Variants in SLC9A7 observed in about 807,000 individuals in gnomAD.
SLC9A7 encodes the protein solute carrier family 9 member A7, also known as sodium/hydrogen exchanger 7.
A neutral mutation model predicts 52.6 loss-of-function variants in SLC9A7; 19 were observed. The ratio of observed to expected loss-of-function variants is 0.36; its 90% CI spans 0.25 to 0.53. The LOEUF is 0.53. Among genes scored for constraint, SLC9A7 ranks in the 20% least tolerant of loss-of-function variants. The pLI is 0.91. For missense variants in SLC9A7, 455 were observed against 597.9 expected, an observed-to-expected ratio of 0.76 and a Z score of 2.49; for synonymous variants, 226 against 252.1, an observed-to-expected ratio of 0.90 and a Z score of 0.98.
chrX:46,723,311 A>G (rs1344036898), intron 1 of SLC9A7, among the ~76,000 whole-genome samples: 2 of 108,261 alleles, frequency 1.8e-5, no homozygotes, highest in Admixed American at 9.9e-5. Flanking sequence ...AAAAAAAAAA[A>G]AAAAAAGAAA....
chrX:46,749,624 G>A (rs918889837), intron 1 of SLC9A7, among the ~76,000 whole-genome samples: 2 of 111,866 alleles, frequency 1.8e-5, no homozygotes, highest in Admixed American at 1.9e-4. Context: ...ATAACACCTG[G>A]AGTGTGACCT....
At chrX:46,634,110 C>T (rs1051909393) in intron 13 of SLC9A7, among the ~76,000 whole-genome samples, 1 of 112,107 alleles carries the variant, frequency 8.9e-6, no homozygotes, top group Non-Finnish European at 1.9e-5. Flanking sequence ...TGATCCAGGA[C>T]ACTGGAACTT....
At chrX:46,728,163 G>A (rs1251758347) in intron 1 of SLC9A7, among the ~76,000 whole-genome samples, 1 of 111,456 alleles carries the variant, frequency 9.0e-6, no homozygotes, top group African/African-American at 3.3e-5. Context: ...TGATAAACAG[G>A]ACTTTGTCAA....
intron 5 of SLC9A7, among the ~76,000 whole-genome samples, chrX:46,664,818 T>C (rs965337570): frequency 6.3e-5 from 7 of 110,601 alleles, no homozygotes; most frequent in African/African-American, 2.3e-4. Context: ...GTGGTGTGAT[T>C]ATAGTTCACT....
rs999471902 is a variant in SLC9A7 at position 46,653,717 on chromosome X, T to C, written c.1042-3A>G. On this transcript the variant is annotated splice_region_variant and splice_polypyrimidine_tract_variant and intron_variant, in intron 7 of 16. Coordinates refer to ENST00000616978, the MANE Select transcript of SLC9A7 (RefSeq NM_001257291.2). ...TGCAGTTTGGTAAACTTAGTCACGT[T>C]GGCATTCTGTCAAGGACCCTGTCTC... The C allele has an allele frequency of 2.5e-5, 30 of 1,196,710 alleles. No homozygotes were observed. The highest frequency in any genetic ancestry group is 2.9e-5 in the Non-Finnish European group (26 of 883,915).
chrX:46,743,224 C>T (rs1208169938), intron 1 of SLC9A7, among the ~76,000 whole-genome samples: 1 of 111,970 alleles, frequency 8.9e-6, no homozygotes, highest in Non-Finnish European at 1.9e-5. Context: ...GGAGGGCATG[C>T]CTGCATGACC....
intron 1 of SLC9A7, among the ~76,000 whole-genome samples, chrX:46,749,506 T>C (rs1022167445): frequency 9.0e-6 from 1 of 111,579 alleles, no homozygotes; most frequent in African/African-American, 3.3e-5. Context: ...GAGATGAGAA[T>C]GCTTTCAAGC....
chrX:46,619,467 G>C (rs1258446579), intron 15 of SLC9A7, among the ~76,000 whole-genome samples: 1 of 111,581 alleles, frequency 9.0e-6, no homozygotes, highest in Non-Finnish European at 1.9e-5. Context: ...AGAATAAATT[G>C]TGATATATTT....
intron 1 of SLC9A7, among the ~76,000 whole-genome samples, chrX:46,726,190 GC>G (rs1487874748): frequency 9.0e-6 from 1 of 110,842 alleles, no homozygotes; most frequent in African/African-American, 3.3e-5. Context: ...GGACATTGGG[GC>G]TGCTGTGAGC....
intron 5 of SLC9A7, among the ~76,000 whole-genome samples, chrX:46,669,167 CAA>C (rs35516404): frequency 6.7e-4 from 50 of 74,331 alleles, no homozygotes; most frequent in Admixed American, 6.1e-4. Context: ...GACTCTGTCT[CAA>C]AAAAAAAAAA....
At chrX:46,608,622 C>G (rs1942791503) in intron 16 of SLC9A7, among the ~76,000 whole-genome samples, 1 of 112,086 alleles carries the variant, frequency 8.9e-6, no homozygotes, top group African/African-American at 3.2e-5. Context: ...GAAACTCAAT[C>G]TGCTTTACAG....
chrX:46,679,169 T>C (rs1382975556), intron 3 of SLC9A7, among the ~76,000 whole-genome samples: 1 of 112,689 alleles, frequency 8.9e-6, no homozygotes, highest in Non-Finnish European at 1.9e-5. Context: ...CTCGGCATAA[T>C]GCCTTTGAGA....
rs1942643187 is a variant in SLC9A7, at chrX:46,600,405, AAGG to A, written c.*6544_*6546del. The A allele has an allele frequency of 9.0e-6, 1 of 111,674 alleles. No homozygotes were observed. The highest frequency in any genetic ancestry group is 3.3e-5 in the African/African-American group (1 of 30,734). 9.2% of individuals were successfully genotyped at this position (111,674 alleles called of 1,213,427 possible). ...AAGCCTTTTGAAAGGTGGTCATCAG[AAGG>A]AGAAGGTGACTTCTGCTGTGTGCGC... On this transcript the variant is annotated 3_prime_UTR_variant, in exon 17 of 17. Coordinates refer to ENST00000616978, the MANE Select transcript of SLC9A7 (RefSeq NM_001257291.2).
chrX:46,723,933 C>CAA (rs769950555), intron 1 of SLC9A7, among the ~76,000 whole-genome samples: 1 of 103,321 alleles, frequency 9.7e-6, no homozygotes, highest in Admixed American at 1.0e-4. Flanking sequence ...ACTAAAAGTA[C>CAA]AAAAAAAAAA....
intron 1 of SLC9A7, chrX:46,725,962 C>T: frequency 3.2e-6 from 1 of 316,596 alleles, no homozygotes; most frequent in Admixed American, 4.8e-5. Flanking sequence ...GGATTCAAAG[C>T]TCAGCTTCAT....
intron 3 of SLC9A7, among the ~76,000 whole-genome samples, chrX:46,676,700 G>A (rs903973910): frequency 6.3e-5 from 7 of 111,538 alleles, no homozygotes; most frequent in African/African-American, 2.3e-4. Context: ...CTCCACTTAC[G>A]TAAAAAATAA....
At chrX:46,698,187 T>C (rs1204670751) in intron 1 of SLC9A7, among the ~76,000 whole-genome samples, 1 of 112,059 alleles carries the variant, frequency 8.9e-6, no homozygotes, top group East Asian at 2.8e-4. Flanking sequence ...GATATTCTAT[T>C]ACCTTGTAAA....
chrX:46,674,017 A>T (rs1944069250), intron 3 of SLC9A7, among the ~76,000 whole-genome samples: 1 of 112,045 alleles, frequency 8.9e-6, no homozygotes, highest in African/African-American at 3.2e-5. Flanking sequence ...TTTCCAAAAA[A>T]TCAACAGCTG....
chrX:46,701,573 C>T (rs765028160), intron 1 of SLC9A7, among the ~76,000 whole-genome samples: 12 of 110,808 alleles, frequency 1.1e-4, no homozygotes, highest in African/African-American at 2.6e-4. Context: ...GGCGACAGAG[C>T]GAGACTCTGT....
Sources: gnomAD v4.1 joint callset for allele counts (sites outside exome capture counted in the v4.1 genomes callset) on GRCh38, gnomAD v4.1.1 for gene constraint, MANE v1.5 for transcripts, NCBI Gene and HGNC (gene_info 2026-07-23, HGNC 2026-07-21) for gene names.